Variants in VPS13C observed in about 807,000 individuals in gnomAD.
The protein encoded by VPS13C is vacuolar protein sorting 13 homolog C.
Under a neutral mutation model 456.8 loss-of-function variants are expected in VPS13C, and 358 were observed. The ratio of observed to expected loss-of-function variants is 0.78; its 90% confidence interval spans 0.72 to 0.86. The LOEUF is 0.86. Among genes scored for constraint, VPS13C ranks in the 40% least tolerant of loss-of-function variants. The pLI is 0.00. For synonymous variants in VPS13C, 1,578 were observed against 1,486.7 expected (o/e 1.06, Z -1.41); for missense variants, 4,818 against 4,385.4 (o/e 1.10, Z -2.79).
At chr15:61,905,579 A>C (rs2043131744) in intron 66 of VPS13C, among the ~76,000 whole-genome samples, 1 of 152,152 alleles carries the variant, frequency 6.6e-6, no homozygotes, top group Non-Finnish European at 1.5e-5. Context: ...TCCTATCGTA[A>C]GAATTAGTGA....
intron 5 of VPS13C, among the ~76,000 whole-genome samples, chr15:62,029,855 C>T (rs1349999644): frequency 6.6e-6 from 1 of 152,062 alleles, no homozygotes; most frequent in African/African-American, 2.4e-5. Flanking sequence ...AACACAAAGA[C>T]ATTCAGCCTT....
intron 53 of VPS13C, among the ~76,000 whole-genome samples, chr15:61,924,052 G>T (rs2043756265): frequency 6.6e-6 from 1 of 150,884 alleles, no homozygotes. Context: ...TTTTTTAGTA[G>T]AGACGGGGTT....
At chr15:61,927,018 T>TA in intron 52 of VPS13C, 73 bp downstream of exon 52, 1 of 1,331,454 alleles carries the variant, frequency 7.5e-7, no homozygotes, top group South Asian at 1.3e-5. Flanking sequence ...AGAGCTCTCA[T>TA]ATTCTAGGAT....
At chr15:61,943,026 C>A (rs2044480010) in intron 45 of VPS13C, among the ~76,000 whole-genome samples, 1 of 151,656 alleles carries the variant, frequency 6.6e-6, no homozygotes, top group Non-Finnish European at 1.5e-5. Context: ...CGATAGCCAT[C>A]AAAAAAACAA....
chr15:62,055,570 T>C (rs2048762734), intron 1 of VPS13C, among the ~76,000 whole-genome samples: 1 of 152,056 alleles, frequency 6.6e-6, no homozygotes, highest in African/African-American at 2.4e-5. Flanking sequence ...TAAATTTCAT[T>C]ATGAACGCCT....
At chr15:61,929,380 A>C in intron 51 of VPS13C, 121 bp downstream of exon 51, 2 of 1,300,330 alleles carry the variant, frequency 1.5e-6, no homozygotes, top group African/African-American at 3.0e-5. Flanking sequence ...TTTTATATAG[A>C]ATATGTTTAA....
chr15:61,977,231 AT>A (rs2045730912), intron 23 of VPS13C, 32 bp from the exon 24 acceptor site: 5 of 1,328,260 alleles, frequency 3.8e-6, no homozygotes, highest in Non-Finnish European at 5.1e-6. Flanking sequence ...ATTATTTATT[AT>A]TTTTACAAAC....
intron 66 of VPS13C, among the ~76,000 whole-genome samples, chr15:61,898,365 G>A (rs1280101906): frequency 1.1e-4 from 16 of 151,784 alleles, no homozygotes; most frequent in African/African-American, 2.4e-4. Flanking sequence ...CCCATCTCAC[G>A]TGCAGAGACA....
intron 80 of VPS13C, among the ~76,000 whole-genome samples, chr15:61,868,995 G>A (rs1298302842): frequency 6.6e-6 from 1 of 152,114 alleles, no homozygotes; most frequent in East Asian, 1.9e-4. Context: ...GCAGGGCCTA[G>A]CTCATCTACT....
intron 12 of VPS13C, among the ~76,000 whole-genome samples, chr15:62,011,158 T>C (rs537355726): frequency 6.6e-6 from 1 of 152,124 alleles, no homozygotes; most frequent in South Asian, 2.1e-4. Context: ...AAAAGGTGTA[T>C]CAGGGAAGAT....
chr15:61,875,924 T>A lies in VPS13C; in HGVS notation c.10225-79A>T, dbSNP rs1440301098. 4.1e-6 allele frequency: 4 copies of A among 975,284 alleles called. No individual in the cohort carries two copies. The African/African-American group carries it at 6.8e-5, about 17-fold the overall frequency. The allele number at this position is 975,284 out of a possible 1,614,324, so 60.4% of individuals were successfully genotyped here. A position where few individuals can be genotyped will look rare whatever the true frequency, so the allele number is the denominator to read the frequency against. On this transcript the variant is annotated intron_variant, in intron 75 of 84. Coordinates refer to ENST00000644861, the MANE Select transcript of VPS13C (RefSeq NM_020821.3). The stretch of plus-strand genomic sequence containing the variant: ...CATAATGAAATAGAAAAAAAGAGAT[T>A]TACTGATAAAATTAAGTTTGTGTTA...
intron 53 of VPS13C, among the ~76,000 whole-genome samples, chr15:61,924,383 C>G (rs9920006): frequency 0.052 from 7,991 of 152,274 alleles, 364 homozygotes; most frequent in African/African-American, 0.12. Context: ...GCCTCTAGCA[C>G]TGAAAGCTGT....
At chr15:62,015,550 G>A (rs1415037711) in intron 9 of VPS13C, among the ~76,000 whole-genome samples, 1 of 146,520 alleles carries the variant, frequency 6.8e-6, no homozygotes, top group African/African-American at 2.6e-5. Flanking sequence ...TGATAGACTG[G>A]ATTAAGAAAA....
rs754677449 is a variant in VPS13C at position 61,915,740 on chromosome 15, G to A, written c.8338C>T (p.Arg2780Trp). The change falls in exon 61 of 85, where the codon CGG (arginine) becomes TGG (tryptophan). Residue 2780 changes from arginine to tryptophan, a missense_variant. Around this residue, in one of 3 missense-constraint regions of VPS13C, gnomAD observed 4,552 missense variants for 4,130.6 expected, o/e 1.10. Transcript: ENST00000644861. Reference sequence around the variant, plus strand: ...TCTTCTGAACGATACTGGAGAACCCGGGTAGTCTTGTTGATTAACCAATAG... The same window carrying A: ...TCTTCTGAACGATACTGGAGAACCCAGGTAGTCTTGTTGATTAACCAATAG... ...SPYWLINKTT[R>W]VLQYRSEDIH... 2 of 1,614,096 alleles carry A rather than the reference G, an allele frequency of 1.2e-6. No individual in the cohort carries two copies. The highest frequency in any genetic ancestry group is 1.1e-5 in the South Asian group (1 of 91,068).
At chr15:61,941,691 T>A in intron 46 of VPS13C, 72 bp downstream of exon 46, 1 of 1,457,304 alleles carries the variant, frequency 6.9e-7, no homozygotes, top group Non-Finnish European at 9.2e-7. Context: ...CTACAACATT[T>A]TACCTTAGGT....
chr15:61,896,602 C>T (rs28783076), intron 66 of VPS13C, among the ~76,000 whole-genome samples: 119 of 152,246 alleles, frequency 7.8e-4, no homozygotes, highest in African/African-American at 2.6e-3. Context: ...GAGGGTCCTA[C>T]GCCCACGGAG....
In VPS13C at chr15:61,950,932, T is replaced by C; in HGVS notation, c.4536+13A>G. 6.5e-7 allele frequency: 1 copy of C among 1,548,776 alleles called. No homozygotes were observed. Reference sequence around the variant, plus strand: ...TTCAAATATTAAAGAATCCTAGAAATGAAACTAGTTACCTTTGTCAGTAAC... The same window carrying C: ...TTCAAATATTAAAGAATCCTAGAAACGAAACTAGTTACCTTTGTCAGTAAC... On this transcript the variant is annotated intron_variant, in intron 40 of 84. Coordinates refer to ENST00000644861, the MANE Select transcript of VPS13C (RefSeq NM_020821.3).
intron 23 of VPS13C, 113 bp downstream of exon 23, chr15:61,978,513 A>C (rs564418355): frequency 2.4e-6 from 3 of 1,273,540 alleles, no homozygotes; most frequent in African/African-American, 1.5e-5. Context: ...AGCCAAAAGA[A>C]TATGTGTGCA....
At chr15:61,894,745 TA>T (rs2042756290) in intron 66 of VPS13C, among the ~76,000 whole-genome samples, 1 of 151,960 alleles carries the variant, frequency 6.6e-6, no homozygotes, top group Admixed American at 6.6e-5. Context: ...AAGAAAATAA[TA>T]ACAGATCTAA....
Sources: gnomAD v4.1 joint callset for allele counts (sites outside exome capture counted in the v4.1 genomes callset) on GRCh38, gnomAD v4.1.1 for gene constraint, gnomAD v4.1.1 regional missense constraint, MANE v1.5 for transcripts, NCBI Gene and HGNC (gene_info 2026-07-23, HGNC 2026-07-21) for gene names.